The following CNBD1 variants were observed in gnomAD, a reference collection of about 807,000 sequenced individuals.
CNBD1 encodes cyclic nucleotide binding domain containing 1, also known as cyclic nucleotide-binding domain-containing protein 1.
CNBD1 carries 71 observed loss-of-function variants against 54.4 expected under a neutral mutation model. The observed-to-expected ratio is 1.30, with a 90% confidence interval of 1.08 to 1.59. The LOEUF (loss-of-function observed/expected upper bound fraction) is 1.59. Among genes scored for constraint, CNBD1 ranks in the 40% most tolerant of loss-of-function variants. The probability of loss-of-function intolerance (pLI) is 0.00; values close to 1 mark genes in which losing one functional copy is unlikely to be tolerated. For missense variants in CNBD1, 659 were observed against 518.0 expected, an observed-to-expected ratio of 1.27 and a Z score of -2.64; for synonymous variants, 182 against 170.7, an observed-to-expected ratio of 1.07 and a Z score of -0.51.
chr8:87,406,116 GATA>G (rs1807648072), intron 2 of CNBD1, among the ~76,000 whole-genome samples: 2 of 151,914 alleles, frequency 1.3e-5, no homozygotes, highest in Non-Finnish European at 2.9e-5. Flanking sequence ...TTCTTAATTA[GATA>G]ATGATACAAA....
intron 2 of CNBD1, among the ~76,000 whole-genome samples, chr8:87,423,259 C>A (rs959295390): frequency 6.6e-6 from 1 of 151,296 alleles, no homozygotes. Flanking sequence ...TAATTGAATA[C>A]CCTTTATTTC....
intron 8 of CNBD1, among the ~76,000 whole-genome samples, chr8:87,322,770 T>C (rs1809566833): frequency 1.1e-5 from 1 of 87,462 alleles, no homozygotes; most frequent in Non-Finnish European, 2.4e-5. Flanking sequence ...TTCACTCTGA[T>C]GGTAGTTTCT....
intron 4 of CNBD1, among the ~76,000 whole-genome samples, chr8:86,978,878 G>A (rs891227976): frequency 2.0e-5 from 3 of 152,000 alleles, no homozygotes; most frequent in Non-Finnish European, 4.4e-5. Flanking sequence ...ACTCAATGTA[G>A]CAAATTAATG....
chr8:86,874,986 T>TA (rs1554626871), intron 1 of CNBD1, among the ~76,000 whole-genome samples: 29 of 120,120 alleles, frequency 2.4e-4, no homozygotes, highest in African/African-American at 8.0e-4. Context: ...GTAAATCAAT[T>TA]TATATATATA....
At chr8:87,102,236 G>T (rs759317297) in intron 4 of CNBD1, among the ~76,000 whole-genome samples, 1 of 152,094 alleles carries the variant, frequency 6.6e-6, no homozygotes, top group East Asian at 1.9e-4. Context: ...AGTAAACTTG[G>T]TGTAAGAAAG....
chr8:87,320,351 G>A (rs1158508722), intron 8 of CNBD1, among the ~76,000 whole-genome samples: 1 of 151,892 alleles, frequency 6.6e-6, no homozygotes, highest in Non-Finnish European at 1.5e-5. Context: ...CAAGTAATAA[G>A]ATACAGTTTT....
intron 4 of CNBD1, among the ~76,000 whole-genome samples, chr8:87,083,075 C>G (rs929461824): frequency 3.3e-5 from 5 of 152,168 alleles, no homozygotes; most frequent in African/African-American, 1.2e-4. Flanking sequence ...CCCTACAAAC[C>G]ATAAATTCTC....
intron 4 of CNBD1, among the ~76,000 whole-genome samples, chr8:87,195,486 C>G (rs1410176709): frequency 6.6e-6 from 1 of 151,548 alleles, no homozygotes; most frequent in East Asian, 1.9e-4. Context: ...CCTTGGCCTC[C>G]CAAAGTGCTG....
chr8:87,186,483 C>T (rs955703754), intron 4 of CNBD1, among the ~76,000 whole-genome samples: 22 of 152,066 alleles, frequency 1.4e-4, no homozygotes, highest in African/African-American at 4.1e-4. Flanking sequence ...TTTTCCATAT[C>T]TACTTCAAAC....
At chr8:86,909,026 G>C (rs1235400208) in intron 3 of CNBD1, among the ~76,000 whole-genome samples, 2 of 152,090 alleles carry the variant, frequency 1.3e-5, no homozygotes, top group Non-Finnish European at 2.9e-5. Context: ...AAAGTGCTGG[G>C]ATTACAGGCG....
At chr8:87,283,265 A>T (rs530636564) in intron 6 of CNBD1, among the ~76,000 whole-genome samples, 1 of 151,910 alleles carries the variant, frequency 6.6e-6, no homozygotes, top group Non-Finnish European at 1.5e-5. Flanking sequence ...TGCTTCCATC[A>T]TGTCATGTTC....
intron 4 of CNBD1, among the ~76,000 whole-genome samples, chr8:87,180,612 A>G (rs1813292870): frequency 6.6e-6 from 1 of 152,182 alleles, no homozygotes; most frequent in Non-Finnish European, 1.5e-5. Context: ...AGAATATATA[A>G]TTTAAAACAA....
chr8:87,257,841 A>G (rs2130845881), intron 6 of CNBD1, among the ~76,000 whole-genome samples: 1 of 152,224 alleles, frequency 6.6e-6, no homozygotes, highest in Non-Finnish European at 1.5e-5. Flanking sequence ...TTTTCTTGGT[A>G]TTTAATTAAT....
chr8:87,146,485 T>C (rs1198170622), intron 4 of CNBD1, among the ~76,000 whole-genome samples: 2 of 152,138 alleles, frequency 1.3e-5, no homozygotes, highest in African/African-American at 4.8e-5. Flanking sequence ...ATTTATTTTG[T>C]TTAGTAATTC....
chr8:86,905,245 C>T (rs1809000935), intron 3 of CNBD1, 51 bp downstream of exon 3: 3 of 1,022,800 alleles, frequency 2.9e-6, no homozygotes, highest in East Asian at 2.4e-5. Context: ...TATGAGTGTG[C>T]TTGTGCTCAC....
At chr8:87,079,774 A>G (rs1810948792) in intron 4 of CNBD1, among the ~76,000 whole-genome samples, 1 of 152,012 alleles carries the variant, frequency 6.6e-6, no homozygotes, top group Admixed American at 6.5e-5. Context: ...TGTGGCTTGC[A>G]TTTTAATTTT....
downstream of CNBD1, among the ~76,000 whole-genome samples, chr8:87,387,298 G>A (rs1811208912): frequency 6.6e-6 from 1 of 152,120 alleles, no homozygotes; most frequent in Non-Finnish European, 1.5e-5. Flanking sequence ...CCAATTAAAA[G>A]ACACAGACTG....
At chr8:87,205,929 G>T in intron 4 of CNBD1, 64 bp from the exon 5 acceptor site, 2 of 1,241,244 alleles carry the variant, frequency 1.6e-6, no homozygotes, top group Non-Finnish European at 2.1e-6. Context: ...AAAAATTAAG[G>T]ATCTGTTTGT....
At chr8:87,162,551 A>C (rs1563491682) in intron 4 of CNBD1, among the ~76,000 whole-genome samples, 1 of 152,086 alleles carries the variant, frequency 6.6e-6, no homozygotes, top group Non-Finnish European at 1.5e-5. Flanking sequence ...GAGGTTTTGG[A>C]TTTAATAAGA....
Sources: allele counts gnomAD v4.1 joint callset (sites outside exome capture counted in the v4.1 genomes callset), GRCh38; gene constraint gnomAD v4.1.1; transcripts MANE v1.5; gene names NCBI Gene and HGNC (gene_info 2026-07-23, HGNC 2026-07-21).